Variants in PIBF1 observed in about 807,000 individuals in gnomAD.
PIBF1 encodes the protein progesterone-induced-blocking factor 1.
In PIBF1, 90 loss-of-function variants were observed where a neutral mutation model predicts 112.5. The observed-to-expected ratio is 0.80, with a 90% CI of 0.67 to 0.95. The LOEUF is 0.95. Among genes scored for constraint, PIBF1 ranks in the 40% least tolerant of loss-of-function variants. PIBF1 has a pLI of 0.00. For synonymous variants in PIBF1, 301 were observed against 288.6 expected, an observed-to-expected ratio of 1.04 and a Z score of -0.44; for missense variants, 915 against 852.3, an observed-to-expected ratio of 1.07 and a Z score of -0.92.
intron 5 of PIBF1, among the ~76,000 whole-genome samples, chr13:72,810,838 G>A (rs1353898772): frequency 6.6e-6 from 1 of 151,924 alleles, no homozygotes. Context: ...TTTGGTCTGA[G>A]GTGGAACTAA....
intron 13 of PIBF1, among the ~76,000 whole-genome samples, chr13:72,920,168 C>G (rs1239949407): frequency 6.6e-6 from 1 of 152,100 alleles, no homozygotes; most frequent in Non-Finnish European, 1.5e-5. Context: ...GATTCATACT[C>G]GAAATAATGT....
Position 73,007,003 on chromosome 13 carries a change from CAT to C in PIBF1, c.2223+8022_2223+8023del, listed in dbSNP as rs369687074. ...TTTAAGGTTTTTATTAATTTGTATA[CAT>C]ATATATATATATAATGTGTATGTAA... is the stretch of plus-strand genomic sequence containing the variant. On this transcript the variant is annotated intron_variant, in intron 17 of 17. Transcript: ENST00000326291. Among the ~76,000 whole-genome samples, 414 of 148,474 alleles carry C rather than the reference CAT, an allele frequency of 2.8e-3. 2 individuals carry two copies. Among genetic ancestry groups the C allele is most frequent in the Middle Eastern group, 0.011 (3 of 280 alleles).
At chr13:72,867,347 A>G (rs942871140) in intron 10 of PIBF1, among the ~76,000 whole-genome samples, 1 of 152,174 alleles carries the variant, frequency 6.6e-6, no homozygotes, top group African/African-American at 2.4e-5. Flanking sequence ...TAAATTATCC[A>G]GTCTCAGGTA....
intron 16 of PIBF1, among the ~76,000 whole-genome samples, chr13:72,983,177 G>A (rs562556310): frequency 6.6e-6 from 1 of 152,036 alleles, no homozygotes; most frequent in East Asian, 1.9e-4. Flanking sequence ...GCACAAACCT[G>A]TAGTACCAGC....
At chr13:72,811,123 GT>G (rs1231777531) in intron 5 of PIBF1, among the ~76,000 whole-genome samples, 2 of 152,152 alleles carry the variant, frequency 1.3e-5, no homozygotes, top group African/African-American at 4.8e-5. Context: ...GCTTCCCAAA[GT>G]GCTGGGATTA....
chr13:72,783,687 T>A lies in PIBF1; in HGVS notation c.218T>A (p.Met73Lys). Residue 73 changes from methionine to lysine, a missense_variant, in exon 2 of 18, where the codon ATG becomes AAG. Coordinates refer to ENST00000326291, the MANE Select transcript of PIBF1 (RefSeq NM_006346.4). ...ATTGAGCTATCCCAGAAAACTATGA[T>A]GATCGACAATTTGAAAGTGGATTAT... ...LKIELSQKTMMIDNLKVDYLT... is the reference protein window; with the variant it reads ...LKIELSQKTMKIDNLKVDYLT... 1 of 1,614,026 alleles carries A rather than the reference T, an allele frequency of 6.2e-7. No homozygotes were observed. The highest frequency in any genetic ancestry group is 8.5e-7 in the Non-Finnish European group (1 of 1,179,892).
chr13:72,860,611 C>T (rs1355309597), intron 10 of PIBF1, among the ~76,000 whole-genome samples: 1 of 152,112 alleles, frequency 6.6e-6, no homozygotes, highest in Non-Finnish European at 1.5e-5. Context: ...AAGCCTCTGG[C>T]ATGCCTATAC....
chr13:72,992,289 T>C (rs1436967450), intron 16 of PIBF1, among the ~76,000 whole-genome samples: 2 of 152,216 alleles, frequency 1.3e-5, no homozygotes, highest in Non-Finnish European at 1.5e-5. Context: ...AATGAACAAA[T>C]AATATTTCTA....
intron 5 of PIBF1, among the ~76,000 whole-genome samples, chr13:72,805,483 A>G (rs772146271): frequency 6.6e-6 from 1 of 152,190 alleles, no homozygotes; most frequent in Non-Finnish European, 1.5e-5. Context: ...CAAATTTTTC[A>G]TATGACATTA....
chr13:72,786,858 T>G (rs1205897552), intron 2 of PIBF1, among the ~76,000 whole-genome samples: 1 of 152,202 alleles, frequency 6.6e-6, no homozygotes, highest in East Asian at 1.9e-4. Context: ...TATGAAGAAA[T>G]ACCTATTGTA....
Position 72,795,465 on chromosome 13 carries a change from C to G in PIBF1, c.460C>G (p.Arg154Gly), listed in dbSNP as rs569734370. ...AAGAGAAAAAGCTGGAGATGTTCGT[C>G]GAAACCTGCGTGACTTTGAGTTGAC... The part of the protein sequence containing the change: ...QLREKAGDVR[R>G]NLRDFELTEE... Residue 154 changes from arginine (R) to glycine (G), a missense_variant, in exon 4 of 18, where the codon CGA becomes GGA. Physicochemically the swap from Arg to Gly is moderately radical, Grantham distance 125. Coordinates refer to ENST00000326291, the MANE Select transcript of PIBF1 (RefSeq NM_006346.4). The G allele has an allele frequency of 2.5e-6, 4 of 1,610,400 alleles. No individual in the cohort carries two copies. The highest frequency in any genetic ancestry group is 3.4e-6 in the Non-Finnish European group (4 of 1,178,452).
At chr13:72,840,617 G>T (rs548707118) in intron 9 of PIBF1, among the ~76,000 whole-genome samples, 1 of 148,938 alleles carries the variant, frequency 6.7e-6, no homozygotes, top group Non-Finnish European at 1.5e-5. Context: ...TCCACCTCCC[G>T]AGTCCAAGCG....
At chr13:72,994,504 G>A (rs1419936496) in intron 16 of PIBF1, among the ~76,000 whole-genome samples, 1 of 152,146 alleles carries the variant, frequency 6.6e-6, no homozygotes, top group African/African-American at 2.4e-5. Flanking sequence ...TCTTCTTTGA[G>A]CATCACAGTT....
chr13:72,931,094 A>G, intron 13 of PIBF1, 71 bp from the exon 14 acceptor site: 1 of 851,104 alleles, frequency 1.2e-6, no homozygotes, highest in Non-Finnish European at 1.9e-6. Context: ...TTTCAAGTAC[A>G]CAAACACATT....
intron 16 of PIBF1, among the ~76,000 whole-genome samples, chr13:72,983,244 G>T (rs954226495): frequency 6.6e-6 from 1 of 152,096 alleles, no homozygotes; most frequent in Non-Finnish European, 1.5e-5. Flanking sequence ...AGGCTGCAGT[G>T]AGTCATGATT....
At chr13:72,796,917 T>C (rs1189127372) in intron 4 of PIBF1, among the ~76,000 whole-genome samples, 6 of 152,196 alleles carry the variant, frequency 3.9e-5, no homozygotes, top group Admixed American at 3.9e-4. Context: ...ATTTGCCTCT[T>C]ACCAAATAAT....
At chr13:72,998,229 G>A (rs935256048) in intron 16 of PIBF1, among the ~76,000 whole-genome samples, 3 of 152,174 alleles carry the variant, frequency 2.0e-5, no homozygotes, top group African/African-American at 7.2e-5. Context: ...AATATATGTG[G>A]AGCATCTACA....
chr13:72,894,101 A>C (rs2040172422), intron 11 of PIBF1, 152 bp downstream of exon 11: 1 of 453,744 alleles, frequency 2.2e-6, no homozygotes, highest in Non-Finnish European at 3.7e-6. Flanking sequence ...GTATTTCAGA[A>C]AGATGTATAC....
At chr13:73,012,301 G>A (rs377276575) in intron 17 of PIBF1, among the ~76,000 whole-genome samples, 2 of 152,026 alleles carry the variant, frequency 1.3e-5, no homozygotes, top group Admixed American at 1.3e-4. Flanking sequence ...GCAGTGAGCC[G>A]AGATTGTGCC....
Sources: allele counts gnomAD v4.1 joint callset (sites outside exome capture counted in the v4.1 genomes callset), GRCh38; gene constraint gnomAD v4.1.1; transcripts MANE v1.5; gene names NCBI Gene and HGNC (gene_info 2026-07-23, HGNC 2026-07-21).